The following SLC35F1 variants were observed in gnomAD, a reference collection of about 807,000 sequenced individuals.
SLC35F1 encodes the protein chromosome 6 open reading frame 169.
Under a neutral mutation model 48.7 loss-of-function variants are expected in SLC35F1, and 14 were observed. The ratio of observed to expected loss-of-function variants is 0.29; its 90% confidence interval spans 0.19 to 0.45. The LOEUF (loss-of-function observed/expected upper bound fraction) is 0.45. Ranked by LOEUF, SLC35F1 falls within the 20% of genes least tolerant of loss-of-function variation. The probability of loss-of-function intolerance (pLI) is 1.00; values close to 1 mark genes in which losing one functional copy is unlikely to be tolerated. For synonymous variants in SLC35F1, 190 were observed against 202.2 expected (o/e 0.94, Z 0.51); for missense variants, 404 against 500.0 (o/e 0.81, Z 1.83).
intron 1 of SLC35F1, among the ~76,000 whole-genome samples, chr6:117,996,439 G>A (rs1776992203): frequency 6.6e-6 from 1 of 152,212 alleles, no homozygotes; most frequent in Non-Finnish European, 1.5e-5. Flanking sequence ...GCTTCTCCCA[G>A]CATGCAGCTG....
At chr6:118,181,732 A>C (rs567956983) in intron 2 of SLC35F1, among the ~76,000 whole-genome samples, 1 of 152,282 alleles carries the variant, frequency 6.6e-6, no homozygotes, top group East Asian at 1.9e-4. Context: ...CCAAAAAAAG[A>C]TTGAAAATAC....
chr6:118,038,996 T>G (rs191028112), intron 1 of SLC35F1, among the ~76,000 whole-genome samples: 26 of 152,316 alleles, frequency 1.7e-4, no homozygotes, highest in Admixed American at 8.5e-4. Context: ...TTTTGTATAT[T>G]GATGTTGTAT....
At chr6:118,275,721 A>G (rs1775911359) in intron 5 of SLC35F1, 106 bp downstream of exon 5, 1 of 1,020,336 alleles carries the variant, frequency 9.8e-7, no homozygotes, top group Non-Finnish European at 1.4e-6. Context: ...TCCAGACACC[A>G]GCTTCCTGTA....
At chr6:118,253,295 C>T (rs1310498823) in intron 3 of SLC35F1, among the ~76,000 whole-genome samples, 1 of 151,988 alleles carries the variant, frequency 6.6e-6, no homozygotes, top group Non-Finnish European at 1.5e-5. Context: ...TGGTTGAGAG[C>T]ACCAAAAGAA....
intron 2 of SLC35F1, among the ~76,000 whole-genome samples, chr6:118,227,972 G>T (rs1403701363): frequency 1.3e-5 from 2 of 152,084 alleles, no homozygotes; most frequent in Non-Finnish European, 2.9e-5. Flanking sequence ...AATATGTGTG[G>T]AATCATTAAT....
At chr6:118,067,074 A>C (rs1287437517) in intron 1 of SLC35F1, among the ~76,000 whole-genome samples, 2 of 152,200 alleles carry the variant, frequency 1.3e-5, no homozygotes, top group African/African-American at 2.4e-5. Context: ...TAAAGCAGTA[A>C]AGTTCAAACA....
At chr6:118,288,026 G>C (rs1334947640) in intron 7 of SLC35F1, among the ~76,000 whole-genome samples, 2 of 117,574 alleles carry the variant, frequency 1.7e-5, no homozygotes, top group Non-Finnish European at 3.7e-5. Flanking sequence ...TTTTTTTTTT[G>C]GTATGGCAAA....
chr6:117,966,131 G>GCCCGCCCC (rs1776561614), intron 1 of SLC35F1, among the ~76,000 whole-genome samples: 1 of 101,170 alleles, frequency 9.9e-6, no homozygotes, highest in Non-Finnish European at 2.0e-5. Context: ...GCAGGCCACC[G>GCCCGCCCC]CCCCCCCCCC....
intron 1 of SLC35F1, among the ~76,000 whole-genome samples, chr6:118,042,711 T>C (rs903110864): frequency 2.0e-5 from 3 of 152,234 alleles, no homozygotes; most frequent in African/African-American, 7.2e-5. Flanking sequence ...TCCAGATGAA[T>C]GATGGCAAGT....
At position 118,032,787 on chromosome 6, in the gene SLC35F1, C is replaced by G. The variant is rs547054572; in HGVS notation, c.174-121658C>G. ...TAGAAAAGCTATTGGCATTTAAGGTCTTTACTTATTTAATACCTTTCATGA... is the reference window on the plus strand; with the variant it reads ...TAGAAAAGCTATTGGCATTTAAGGTGTTTACTTATTTAATACCTTTCATGA... On this transcript the variant is annotated intron_variant, in intron 1 of 7. Transcript: ENST00000360388. Among the ~76,000 whole-genome samples, 3 of 152,278 alleles carry G rather than the reference C, an allele frequency of 2.0e-5. No homozygotes were observed. In the South Asian group the frequency reaches 6.2e-4, roughly 32 times the overall value.
At chr6:118,195,315 A>T (rs374925677) in intron 2 of SLC35F1, among the ~76,000 whole-genome samples, 1 of 152,142 alleles carries the variant, frequency 6.6e-6, no homozygotes. Context: ...ATACACTTCA[A>T]TGTGTTGTTT....
chr6:118,238,150 C>T (rs1022891827), intron 3 of SLC35F1, among the ~76,000 whole-genome samples: 1 of 152,088 alleles, frequency 6.6e-6, no homozygotes, highest in Non-Finnish European at 1.5e-5. Flanking sequence ...AAGTTAATAC[C>T]CTGCTCAAGG....
chr6:118,183,470 C>T (rs1774611645), intron 2 of SLC35F1, among the ~76,000 whole-genome samples: 1 of 150,976 alleles, frequency 6.6e-6, no homozygotes, highest in African/African-American at 2.4e-5. Flanking sequence ...TGCACATGTA[C>T]CCTAAAACTT....
At chr6:118,257,411 G>A (rs1376927965) in intron 3 of SLC35F1, among the ~76,000 whole-genome samples, 1 of 152,154 alleles carries the variant, frequency 6.6e-6, no homozygotes, top group Non-Finnish European at 1.5e-5. Context: ...TTTCCCCCAG[G>A]ATATCTGGCT....
At chr6:118,005,887 A>T (rs1307220552) in intron 1 of SLC35F1, among the ~76,000 whole-genome samples, 1 of 152,112 alleles carries the variant, frequency 6.6e-6, no homozygotes, top group Non-Finnish European at 1.5e-5. Context: ...TCTGAATTTC[A>T]CTTACTGCTT....
At chr6:118,124,654 A>G (rs1229100582) in intron 1 of SLC35F1, among the ~76,000 whole-genome samples, 1 of 152,174 alleles carries the variant, frequency 6.6e-6, no homozygotes, top group Non-Finnish European at 1.5e-5. Context: ...AGGGTGACCT[A>G]TCATGACCAT....
At chr6:118,092,128 A>G (rs1473779656) in intron 1 of SLC35F1, among the ~76,000 whole-genome samples, 1 of 152,210 alleles carries the variant, frequency 6.6e-6, no homozygotes, top group Non-Finnish European at 1.5e-5. Context: ...AAAGTAATGA[A>G]GAGCCAAATG....
chr6:118,102,223 A>G (rs1195510020), intron 1 of SLC35F1, among the ~76,000 whole-genome samples: 1 of 152,094 alleles, frequency 6.6e-6, no homozygotes, highest in Non-Finnish European at 1.5e-5. Context: ...TCACTCTGTT[A>G]CCCAGCCTGA....
chr6:118,049,080 CT>C (rs1772345022), intron 1 of SLC35F1, among the ~76,000 whole-genome samples: 1 of 152,144 alleles, frequency 6.6e-6, no homozygotes, highest in African/African-American at 2.4e-5. Context: ...ACCATCTGAT[CT>C]TTGACAAACC....
Sources: allele counts gnomAD v4.1 joint callset (sites outside exome capture counted in the v4.1 genomes callset), GRCh38; gene constraint gnomAD v4.1.1; transcripts MANE v1.5; gene names NCBI Gene and HGNC (gene_info 2026-07-23, HGNC 2026-07-21).